The following MBD5 variants were observed in gnomAD, a reference collection of about 807,000 sequenced individuals.
MBD5 encodes methyl-CpG-binding domain protein 5.
A neutral mutation model predicts 117.3 loss-of-function variants in MBD5; 13 were observed. That is an observed-to-expected ratio of 0.11 (90% CI 0.07 to 0.18). MBD5 has a LOEUF of 0.18. MBD5 is among the 10% of genes least tolerant of loss of function. MBD5 has a pLI of 1.00. For missense variants in MBD5, 1,879 were observed against 2,093.8 expected (o/e 0.90, Z 2.00); for synonymous variants, 727 against 766.4 (o/e 0.95, Z 0.85).
chr2:148,304,292 A>G (rs1266951024), intron 3 of MBD5, among the ~76,000 whole-genome samples: 1 of 152,228 alleles, frequency 6.6e-6, no homozygotes, highest in African/African-American at 2.4e-5. Context: ...AAATGCAGGC[A>G]CACAACAGTT....
chr2:148,292,271 AAG>A (rs1409330486), intron 3 of MBD5, among the ~76,000 whole-genome samples: 7 of 152,230 alleles, frequency 4.6e-5, no homozygotes, highest in Non-Finnish European at 1.0e-4. Flanking sequence ...CAAGAAAGTG[AAG>A]AGACAACAAA....
rs1055380849 is a variant in MBD5, at chr2:148,021,120, C to A, written c.-1489C>A. On this transcript the variant is annotated 5_prime_UTR_variant, in exon 1 of 14. The change creates a new upstream start codon in the 5' untranslated region. Transcript: ENST00000642680. The stretch of plus-strand genomic sequence containing the variant: ...AGAGAGACCCCAGCAGCAGCAGCAG[C>A]TGATGATGAAGAGAGAGGCAGTGGC... The A allele has an allele frequency of 1.3e-5, 2 of 152,896 alleles. No homozygotes were observed. The highest frequency in any genetic ancestry group is 2.4e-5 in the African/African-American group (1 of 41,114). 9.5% of individuals were successfully genotyped at this position (152,896 alleles called of 1,614,324 possible).
chr2:148,150,180 C>A (rs1449989419), intron 1 of MBD5, among the ~76,000 whole-genome samples: 2 of 144,888 alleles, frequency 1.4e-5, no homozygotes, highest in Non-Finnish European at 3.0e-5. Flanking sequence ...TTTCCCAGCA[C>A]CATTTATTAA....
At chr2:148,427,469 A>G (rs1434890674) in intron 4 of MBD5, among the ~76,000 whole-genome samples, 1 of 152,206 alleles carries the variant, frequency 6.6e-6, no homozygotes, top group African/African-American at 2.4e-5. Context: ...ATAAAAAATG[A>G]TGAGTTCATG....
chr2:148,336,079 C>T (rs1453316), intron 3 of MBD5, among the ~76,000 whole-genome samples: 143,612 of 152,268 alleles, frequency 0.94, 68,254 homozygotes, highest in East Asian at 1. Context: ...AAAGAAAGGT[C>T]ACTATCAGAA....
At chr2:148,444,576 C>A (rs1381296862) in intron 4 of MBD5, among the ~76,000 whole-genome samples, 1 of 151,146 alleles carries the variant, frequency 6.6e-6, no homozygotes, top group Non-Finnish European at 1.5e-5. Flanking sequence ...AATATAAAAT[C>A]TTCAATATTA....
chr2:148,509,911 A>ATTCTTATCT, intron 12 of MBD5, 149 bp from the exon 13 acceptor site: 1 of 678,812 alleles, frequency 1.5e-6, no homozygotes, highest in Non-Finnish European at 2.7e-6. Context: ...AGAATCCCAG[A>ATTCTTATCT]GTGATGTTTT....
At chr2:148,481,292 G>T (rs536131645) in intron 8 of MBD5, among the ~76,000 whole-genome samples, 1 of 152,126 alleles carries the variant, frequency 6.6e-6, no homozygotes, top group African/African-American at 2.4e-5. Flanking sequence ...CTATTTATCA[G>T]AAAGGAAAAA....
chr2:148,235,296 C>G (rs1171512910), intron 3 of MBD5, among the ~76,000 whole-genome samples: 2 of 152,130 alleles, frequency 1.3e-5, no homozygotes, highest in Non-Finnish European at 2.9e-5. Flanking sequence ...ACTATACTAT[C>G]AAATTTCTTT....
intron 4 of MBD5, among the ~76,000 whole-genome samples, chr2:148,432,624 ATTCT>A (rs1706024935): frequency 6.6e-6 from 1 of 152,132 alleles, no homozygotes; most frequent in African/African-American, 2.4e-5. Flanking sequence ...TGAATGGGGA[ATTCT>A]TTCCCCATTT....
At chr2:148,419,884 T>A (rs1278937692) in intron 4 of MBD5, among the ~76,000 whole-genome samples, 3 of 152,116 alleles carry the variant, frequency 2.0e-5, no homozygotes, top group African/African-American at 7.2e-5. Context: ...TTAAGATCAG[T>A]CTAATTCCAG....
Position 148,483,940 on chromosome 2 carries a change from A to G in MBD5, c.3349A>G (p.Thr1117Ala). Residue 1117 changes from threonine (T) to alanine (A), a missense_variant, in exon 9 of 14, where the codon ACT (threonine) becomes GCT (alanine). This residue lies in a region of MBD5 where 1,666 missense variants were observed against 1,792.2 expected (regional missense o/e 0.93). Coordinates refer to ENST00000642680, the MANE Select transcript of MBD5 (RefSeq NM_001378120.1). ...CATAGCAACCTCCTCCCAGGCAACC[A>G]CTACCACAACCACTACATCATCAGC... The part of the protein sequence containing the change: ...VSIATSSQAT[T>A]TTTTTSSAVA... 6.4e-7 allele frequency: 1 copy of G among 1,550,510 alleles called. No individual in the cohort carries two copies. The highest frequency in any genetic ancestry group is 8.7e-7 in the Non-Finnish European group (1 of 1,146,946).
At chr2:148,423,843 G>A (rs1289273617) in intron 4 of MBD5, among the ~76,000 whole-genome samples, 1 of 151,992 alleles carries the variant, frequency 6.6e-6, no homozygotes, top group African/African-American at 2.4e-5. Flanking sequence ...TCAAAATAAA[G>A]GGATAAAGTA....
chr2:148,394,020 T>G lies in MBD5; in HGVS notation c.-557+51684T>G, dbSNP rs1483407521. Reference sequence around the variant, plus strand: ...TACCTTATTGCTGTCTAGTGTTACTTGTACTTTTTACTGCTTTATGTTACA... The same window carrying G: ...TACCTTATTGCTGTCTAGTGTTACTGGTACTTTTTACTGCTTTATGTTACA... On this transcript the variant is annotated intron_variant, in intron 4 of 13. Coordinates refer to ENST00000642680, the MANE Select transcript of MBD5 (RefSeq NM_001378120.1). 3.3e-5 allele frequency among the ~76,000 whole-genome samples: 5 copies of G among 152,214 alleles called. No individual in the cohort carries two copies. The East Asian group carries it at 9.6e-4, about 29-fold the overall frequency.
chr2:148,211,074 A>G (rs1699411756), intron 2 of MBD5, among the ~76,000 whole-genome samples: 1 of 152,180 alleles, frequency 6.6e-6, no homozygotes, highest in South Asian at 2.1e-4. Context: ...ACCAATTTAT[A>G]AGTTTTATTG....
intron 8 of MBD5, among the ~76,000 whole-genome samples, chr2:148,475,021 A>G (rs1437480462): frequency 3.9e-5 from 6 of 152,176 alleles, no homozygotes. Context: ...ATTATACTAT[A>G]AAGTATCCTT....
intron 1 of MBD5, among the ~76,000 whole-genome samples, chr2:148,126,966 T>C (rs553201096): frequency 1.4e-5 from 2 of 147,092 alleles, no homozygotes; most frequent in East Asian, 4.1e-4. Context: ...TTTCTTCAGC[T>C]TTTTTTCTTT....
chr2:148,474,161 A>G (rs1006998404), intron 8 of MBD5, among the ~76,000 whole-genome samples: 1 of 152,176 alleles, frequency 6.6e-6, no homozygotes, highest in Non-Finnish European at 1.5e-5. Flanking sequence ...TAGCTATAGC[A>G]CATGTCCTAT....
chr2:148,396,211 A>G (rs11686180), intron 4 of MBD5, among the ~76,000 whole-genome samples: 77,748 of 152,036 alleles, frequency 0.51, 20,188 homozygotes, highest in East Asian at 0.75. Flanking sequence ...GTGGATACAG[A>G]GGCAGTCAAC....
Sources: allele counts gnomAD v4.1 joint callset (sites outside exome capture counted in the v4.1 genomes callset), GRCh38; gene constraint gnomAD v4.1.1; regional missense constraint gnomAD v4.1.1; transcripts MANE v1.5; gene names NCBI Gene and HGNC (gene_info 2026-07-23, HGNC 2026-07-21).